Variants in PPARG observed in about 807,000 individuals in gnomAD.
PPARG encodes peroxisome proliferator-activated receptor gamma.
Under a neutral mutation model 39.2 loss-of-function variants are expected in PPARG, and 17 were observed. The ratio of observed to expected loss-of-function variants is 0.43; its 90% CI spans 0.30 to 0.65. The LOEUF (loss-of-function observed/expected upper bound fraction) is 0.65, where lower values mean the gene tolerates loss of function less well. Ranked by LOEUF, PPARG falls within the 30% of genes least tolerant of loss-of-function variation. The pLI is 0.13. For missense variants in PPARG, 406 were observed against 585.9 expected (o/e 0.69, Z 3.17); for synonymous variants, 223 against 215.7 (o/e 1.03, Z -0.30).
At position 12,327,960 on chromosome 3, in the gene PPARG, A is replaced by G. The variant is rs1462173071; in HGVS notation, c.-9+15507A>G. On this transcript the variant is annotated intron_variant, in intron 2 of 7. Transcript: ENST00000651735. ...CAAAATGTGTGTATGGAAAGGTAAA[A>G]TGGGAATAAATAGTATTAAATTCTG... is the stretch of plus-strand genomic sequence containing the variant. 8 of 742,326 alleles carry G rather than the reference A, an allele frequency of 1.1e-5. No homozygotes were observed. The Admixed American group carries it at 1.4e-4, about 13-fold the overall frequency. 46.0% of individuals were successfully genotyped at this position (742,326 alleles called of 1,614,324 possible). A position where few individuals can be genotyped will look rare whatever the true frequency, so the allele number is the denominator to read the frequency against.
chr3:12,417,902 C>CTTTTTTTTTTTTTTTT (rs869086237), intron 7 of PPARG, among the ~76,000 whole-genome samples: 23 of 65,902 alleles, frequency 3.5e-4, no homozygotes, highest in East Asian at 5.2e-4. Context: ...TTTTTTTTTC[C>CTTTTTTTTTTTTTTTT]TTTTTTTTTT....
chr3:12,347,972 GA>G (rs1559502180), intron 2 of PPARG, among the ~76,000 whole-genome samples: 2 of 151,956 alleles, frequency 1.3e-5, no homozygotes, highest in Admixed American at 6.5e-5. Flanking sequence ...TATAGCAAAA[GA>G]AAAAAATACT....
chr3:12,390,635 TCC>T (rs1559520695), intron 4 of PPARG, among the ~76,000 whole-genome samples: 13 of 109,602 alleles, frequency 1.2e-4, no homozygotes, highest in East Asian at 1.2e-3. Flanking sequence ...TGTATTTTCT[TCC>T]TTTTTTTTTT....
rs2048217062 is a variant in PPARG at position 12,342,675 on chromosome 3, C to T, written c.-9+30222C>T. On this transcript the variant is annotated intron_variant, in intron 2 of 7. Transcript: ENST00000651735. ...CCAGAAAAAGACCCAGATGCATAAA[C>T]TTTAAGAGTTCAACATTGGTTATAT... Among the ~76,000 whole-genome samples, 3 of 152,054 alleles carry T rather than the reference C, an allele frequency of 2.0e-5. 1 individual carries two copies. In the South Asian group the frequency reaches 6.2e-4, roughly 32 times the overall value.
intron 2 of PPARG, among the ~76,000 whole-genome samples, chr3:12,325,308 C>G (rs1465022263): frequency 6.6e-6 from 1 of 152,148 alleles, no homozygotes; most frequent in Non-Finnish European, 1.5e-5. Context: ...ATAATCCTAG[C>G]TACTTGGGAG....
intron 6 of PPARG, among the ~76,000 whole-genome samples, chr3:12,407,399 G>T (rs567504732): frequency 6.6e-6 from 1 of 152,252 alleles, no homozygotes; most frequent in African/African-American, 2.4e-5. Context: ...CTGACCTCGT[G>T]ATCTGCCCGC....
chr3:12,426,293 A>T (rs2051443998), intron 7 of PPARG, among the ~76,000 whole-genome samples: 1 of 152,228 alleles, frequency 6.6e-6, no homozygotes, highest in South Asian at 2.1e-4. Context: ...TACCAGCAAC[A>T]TGTGTGTTCA....
In PPARG at chr3:12,434,081, A is replaced by G. The variant is rs975376703; in HGVS notation, c.1364A>G (p.Lys455Arg). The G allele has an allele frequency of 6.2e-6, 10 of 1,614,104 alleles. No individual in the cohort carries two copies. The African/African-American group carries it at 8.0e-5, about 13-fold the overall frequency. ...TEHVQLLQVI[K>R]KTETDMSLHP... is the part of the protein sequence containing the mutation. The stretch of plus-strand genomic sequence containing the variant: ...CACGTGCAGCTACTGCAGGTGATCA[A>G]GAAGACGGAGACAGACATGAGTCTT... Residue 455 changes from lysine (K) to arginine (R), a missense_variant, in exon 8 of 8, where the codon AAG (lysine) becomes AGG (arginine). Transcript: ENST00000651735. This position sits in a 1 kb window ranked among gnomAD's most constrained non-coding sequence, Gnocchi z 4.2.
At chr3:12,371,673 A>C (rs879344561) in intron 2 of PPARG, among the ~76,000 whole-genome samples, 2 of 152,218 alleles carry the variant, frequency 1.3e-5, no homozygotes, top group Non-Finnish European at 2.9e-5. Flanking sequence ...GCATATTTAC[A>C]TGTAGTAACA....
At chr3:12,374,902 ACAG>A (rs2049352781) in intron 2 of PPARG, among the ~76,000 whole-genome samples, 1 of 152,202 alleles carries the variant, frequency 6.6e-6, no homozygotes, top group Admixed American at 6.5e-5. Context: ...AAAACAGAAA[ACAG>A]CATCCTTTTA....
intron 4 of PPARG, among the ~76,000 whole-genome samples, chr3:12,387,832 A>G (rs1414634485): frequency 2.6e-5 from 4 of 152,142 alleles, no homozygotes; most frequent in Non-Finnish European, 5.9e-5. Context: ...GTTTTCTTCT[A>G]GGGTTTTTGT....
At chr3:12,378,124 G>A (rs1333973455) in intron 2 of PPARG, among the ~76,000 whole-genome samples, 1 of 152,160 alleles carries the variant, frequency 6.6e-6, no homozygotes, top group Non-Finnish European at 1.5e-5. Context: ...GATAAGAAGT[G>A]TTGGCAAGGA....
At chr3:12,321,688 C>T (rs2047550093) in intron 2 of PPARG, among the ~76,000 whole-genome samples, 1 of 152,144 alleles carries the variant, frequency 6.6e-6, no homozygotes, top group South Asian at 2.1e-4. Flanking sequence ...GTCGGCCCAG[C>T]CTACCTCTTC....
At chr3:12,384,004 C>T (rs1559517902) in intron 4 of PPARG, among the ~76,000 whole-genome samples, 1 of 152,102 alleles carries the variant, frequency 6.6e-6, no homozygotes. Flanking sequence ...GAAAACTAAG[C>T]GTATTGTATA....
chr3:12,409,873 G>T (rs2050817056), intron 6 of PPARG, among the ~76,000 whole-genome samples: 1 of 152,120 alleles, frequency 6.6e-6, no homozygotes, highest in South Asian at 2.1e-4. Flanking sequence ...GGCAGACCAG[G>T]ACTCCTTCCC....
chr3:12,393,329 G>T (rs1159194892), intron 5 of PPARG, among the ~76,000 whole-genome samples: 4 of 150,364 alleles, frequency 2.7e-5, no homozygotes, highest in Non-Finnish European at 4.4e-5. Context: ...CAAAGCCATA[G>T]AAACATAAGA....
chr3:12,407,789 T>C (rs574096324), intron 6 of PPARG, among the ~76,000 whole-genome samples: 1 of 152,254 alleles, frequency 6.6e-6, no homozygotes, highest in African/African-American at 2.4e-5. Flanking sequence ...AGGAAACTTA[T>C]GGCATAAAGC....
chr3:12,392,500 T>A, intron 4 of PPARG, 114 bp from the exon 5 acceptor site: 1 of 1,162,588 alleles, frequency 8.6e-7, no homozygotes. Flanking sequence ...AGTGACAGAA[T>A]CGTGTCAAGA....
chr3:12,411,262 CTT>C (rs1441734687), intron 6 of PPARG, among the ~76,000 whole-genome samples: 1 of 152,008 alleles, frequency 6.6e-6, no homozygotes, highest in African/African-American at 2.4e-5. Context: ...CTGAGTAACT[CTT>C]TGGCTGGCAA....
Sources: allele counts gnomAD v4.1 joint callset (sites outside exome capture counted in the v4.1 genomes callset), GRCh38; gene constraint gnomAD v4.1.1; non-coding constraint Gnocchi (gnomAD v3.1); transcripts MANE v1.5; gene names NCBI Gene and HGNC (gene_info 2026-07-23, HGNC 2026-07-21).